Variants in SDCCAG8 observed in about 807,000 individuals in gnomAD.
SDCCAG8 encodes the protein SHH signaling and ciliogenesis regulator SDCCAG8.
SDCCAG8 carries 74 observed loss-of-function variants against 101.8 expected under a neutral mutation model. That is an observed-to-expected ratio of 0.73 (90% CI 0.60 to 0.88). The LOEUF is 0.88. Ranked by LOEUF, SDCCAG8 falls within the 40% of genes least tolerant of loss-of-function variation. The pLI, the probability that SDCCAG8 is intolerant of heterozygous loss-of-function variation, is 0.00. For synonymous variants in SDCCAG8, 281 were observed against 292.9 expected, an observed-to-expected ratio of 0.96 and a Z score of 0.41; for missense variants, 787 against 822.6, an observed-to-expected ratio of 0.96 and a Z score of 0.53.
intron 6 of SDCCAG8, among the ~76,000 whole-genome samples, chr1:243,301,364 G>A (rs35166125): frequency 7.2e-5 from 11 of 151,980 alleles, no homozygotes; most frequent in Admixed American, 2.0e-4. Context: ...GGTGGTTCTC[G>A]TGTACTTTTC....
At chr1:243,476,004 G>T in intron 16 of SDCCAG8, 2 of 985,454 alleles carry the variant, frequency 2.0e-6, no homozygotes, top group Non-Finnish European at 2.4e-6. Flanking sequence ...CCTCCAGCAG[G>T]CCTAATCACT....
chr1:243,456,668 G>A (rs557565504), intron 16 of SDCCAG8, among the ~76,000 whole-genome samples: 49 of 152,232 alleles, frequency 3.2e-4, no homozygotes, highest in African/African-American at 1.2e-3. Flanking sequence ...AGGGGGTAGA[G>A]GGAGGGCAAT....
At chr1:243,442,926 C>T (rs556910887) in intron 16 of SDCCAG8, among the ~76,000 whole-genome samples, 1 of 152,306 alleles carries the variant, frequency 6.6e-6, no homozygotes, top group African/African-American at 2.4e-5. Flanking sequence ...CAAATCCTTT[C>T]CCAATAATTG....
intron 13 of SDCCAG8, among the ~76,000 whole-genome samples, chr1:243,399,302 C>T (rs1356703473): frequency 6.6e-6 from 1 of 152,086 alleles, no homozygotes; most frequent in Non-Finnish European, 1.5e-5. Flanking sequence ...TCTTTGTTCT[C>T]ATTGATGATA....
intron 1 of SDCCAG8, among the ~76,000 whole-genome samples, chr1:243,264,891 G>A (rs957387934): frequency 4.6e-5 from 7 of 152,174 alleles, no homozygotes; most frequent in Non-Finnish European, 1.0e-4. Flanking sequence ...TGTCCTCTCA[G>A]GAGAGAAGAG....
intron 6 of SDCCAG8, among the ~76,000 whole-genome samples, chr1:243,298,899 C>G (rs575372015): frequency 7.2e-4 from 110 of 152,288 alleles, no homozygotes; most frequent in Non-Finnish European, 1.3e-3. Context: ...TGTTCTTTAT[C>G]CTTTGGCCTT....
chr1:243,401,013 A>G (rs1057408880), intron 13 of SDCCAG8, among the ~76,000 whole-genome samples: 2 of 152,166 alleles, frequency 1.3e-5, no homozygotes, highest in African/African-American at 2.4e-5. Flanking sequence ...GAAGTTTAGC[A>G]CTCATAATGT....
intron 16 of SDCCAG8, among the ~76,000 whole-genome samples, chr1:243,468,838 C>G (rs1660663146): frequency 6.6e-6 from 1 of 152,176 alleles, no homozygotes; most frequent in Admixed American, 6.5e-5. Context: ...AGAAATACTT[C>G]CTACATAACA....
Position 243,416,092 on chromosome 1 carries a change from G to A in SDCCAG8, c.1744+263G>A, listed in dbSNP as rs1335105905. On this transcript the variant is annotated intron_variant, in intron 14 of 17. Transcript: ENST00000366541. The surrounding 1 kb of genome is among the most constrained non-coding windows in gnomAD (Gnocchi z 4.3). ...TATGAGTTTATTTACCTGTGTTCAA[G>A]AAACGTAAAGCTGAGAGAGACCACA... Among the ~76,000 whole-genome samples the A allele has an allele frequency of 6.6e-6, 1 of 152,148 alleles. No homozygotes were observed. Among genetic ancestry groups the A allele is most frequent in the Non-Finnish European group, 1.5e-5 (1 of 68,022 alleles).
chr1:243,304,793 C>G lies in SDCCAG8; in HGVS notation c.740+16C>G, dbSNP rs1195660317. The G allele has an allele frequency of 5.3e-5, 76 of 1,438,180 alleles. No homozygotes were observed. The highest frequency in any genetic ancestry group is 7.3e-5 in the Non-Finnish European group (74 of 1,019,974). 89.1% of individuals were successfully genotyped at this position (1,438,180 alleles called of 1,614,324 possible). On this transcript the variant is annotated intron_variant, in intron 7 of 17. Coordinates refer to ENST00000366541, the MANE Select transcript of SDCCAG8 (RefSeq NM_006642.5). ...AGTTTTTGAGGTAAAGTGAAATCGT[C>G]CATTTATAGTCATACCAAAAGCATA...
chr1:243,272,550 G>A (rs1435139024), intron 3 of SDCCAG8, among the ~76,000 whole-genome samples: 3 of 152,164 alleles, frequency 2.0e-5, no homozygotes, highest in African/African-American at 4.8e-5. Context: ...AGATGAAGTT[G>A]CTTTATCTGT....
In SDCCAG8 at chr1:243,474,755, C is replaced by G. The variant is rs1280910495; in HGVS notation, c.1986-14259C>G. ...GGACGCGGCGTGGCAGCGCAGGGCTCGGCTAGATGCGCTCCTCCTCGGACT... is the reference window on the plus strand; with the variant it reads ...GGACGCGGCGTGGCAGCGCAGGGCTGGGCTAGATGCGCTCCTCCTCGGACT... On this transcript the variant is annotated intron_variant, in intron 16 of 17. Coordinates refer to ENST00000366541, the MANE Select transcript of SDCCAG8 (RefSeq NM_006642.5). This position sits in a 1 kb window ranked among gnomAD's most constrained non-coding sequence, Gnocchi z 4.7. Among the ~76,000 whole-genome samples the G allele has an allele frequency of 6.6e-6, 1 of 152,226 alleles. No homozygotes were observed. The highest frequency in any genetic ancestry group is 2.4e-5 in the African/African-American group (1 of 41,454).
chr1:243,293,445 A>G (rs2070471827), intron 6 of SDCCAG8: 4 of 659,562 alleles, frequency 6.1e-6, no homozygotes, highest in Non-Finnish European at 1.1e-5. Context: ...ATTAAACAAT[A>G]TCTCCATTCC....
At chr1:243,267,655 C>A in intron 1 of SDCCAG8, 1 of 744,868 alleles carries the variant, frequency 1.3e-6, no homozygotes, top group Non-Finnish European at 2.5e-6. Flanking sequence ...GTAACACTTA[C>A]ACACACTTAG....
At chr1:243,340,708 CTGAA>C (rs2075334941) in intron 10 of SDCCAG8, among the ~76,000 whole-genome samples, 1 of 152,176 alleles carries the variant, frequency 6.6e-6, no homozygotes, top group Non-Finnish European at 1.5e-5. Context: ...TGTATCTCCT[CTGAA>C]TTTATTTATG....
At position 243,350,970 on chromosome 1, in the gene SDCCAG8, G is replaced by A. The variant is rs2076053055; in HGVS notation, c.1473+6639G>A. Among the ~76,000 whole-genome samples, 3 of 152,156 alleles carry A rather than the reference G, an allele frequency of 2.0e-5. No individual in the cohort carries two copies. In the South Asian group the frequency reaches 6.2e-4, roughly 32 times the overall value. On this transcript the variant is annotated intron_variant, in intron 12 of 17. Coordinates refer to ENST00000366541, the MANE Select transcript of SDCCAG8 (RefSeq NM_006642.5). ...GTTAGTCTTTTCTACTTGAAACCTA[G>A]CACTTACAGATTAAAGTAAAATCCT...
chr1:243,378,674 G>A (rs771647927), intron 12 of SDCCAG8, 47 bp from the exon 13 acceptor site: 2 of 1,591,928 alleles, frequency 1.3e-6, no homozygotes, highest in Admixed American at 1.7e-5. Flanking sequence ...TTGAATTCAA[G>A]TGCATGTATT....
intron 13 of SDCCAG8, among the ~76,000 whole-genome samples, chr1:243,391,628 G>A (rs2078704459): frequency 6.6e-6 from 1 of 152,116 alleles, no homozygotes. Context: ...ATATCAAAGG[G>A]ATTCCTTCCC....
At chr1:243,426,389 A>C (rs781469519) in intron 15 of SDCCAG8, 38 bp from the exon 16 acceptor site, 4 of 1,578,310 alleles carry the variant, frequency 2.5e-6, no homozygotes, top group Non-Finnish European at 3.5e-6. Flanking sequence ...AGTAATAAGA[A>C]CTTCTAACAT....
Sources: gnomAD v4.1 joint callset for allele counts (sites outside exome capture counted in the v4.1 genomes callset) on GRCh38, gnomAD v4.1.1 for gene constraint, Gnocchi (gnomAD v3.1) non-coding constraint, MANE v1.5 for transcripts, NCBI Gene and HGNC (gene_info 2026-07-23, HGNC 2026-07-21) for gene names.